Variants in RANBP17 observed in about 807,000 individuals in gnomAD.
The protein encoded by RANBP17 is RAN binding protein 17.
RANBP17 carries 158 observed loss-of-function variants against 141.2 expected under a neutral mutation model. The observed-to-expected ratio is 1.12, with a 90% confidence interval of 0.98 to 1.28. The LOEUF is 1.28. Among genes scored for constraint, RANBP17 ranks in the 50% most tolerant of loss-of-function variants. RANBP17 has a pLI of 0.00. For missense variants in RANBP17, 1,438 were observed against 1,290.7 expected (o/e 1.11, Z -1.75); for synonymous variants, 430 against 450.0 (o/e 0.96, Z 0.56).
intron 24 of RANBP17, among the ~76,000 whole-genome samples, chr5:171,260,532 G>A (rs1441923160): frequency 1.3e-5 from 2 of 150,968 alleles, no homozygotes; most frequent in Non-Finnish European, 2.9e-5. Context: ...AGAGGATGAA[G>A]AGAAGTAGGT....
intron 12 of RANBP17, among the ~76,000 whole-genome samples, chr5:170,930,671 T>C (rs1773297115): frequency 1.3e-5 from 2 of 152,188 alleles, no homozygotes. Flanking sequence ...TTTGGTTTTC[T>C]GTCCTTGGGA....
At chr5:171,164,318 AT>A (rs1341127085) in intron 14 of RANBP17, among the ~76,000 whole-genome samples, 1 of 152,186 alleles carries the variant, frequency 6.6e-6, no homozygotes, top group Non-Finnish European at 1.5e-5. Context: ...AAGGATTAGG[AT>A]TGGTAAAAGA....
chr5:171,270,578 A>G (rs1767035651), intron 25 of RANBP17, among the ~76,000 whole-genome samples: 1 of 151,222 alleles, frequency 6.6e-6, no homozygotes, highest in Admixed American at 6.6e-5. Flanking sequence ...AAATTTTTTC[A>G]GTTTCGTCAC....
chr5:170,892,601 TG>T, intron 4 of RANBP17, 48 bp downstream of exon 4: 1 of 1,492,152 alleles, frequency 6.7e-7, no homozygotes, highest in Admixed American at 1.9e-5. Context: ...TTGCTTTTTT[TG>T]GTTTAGAATA....
chr5:171,250,996 CA>C (rs1765521385), intron 24 of RANBP17, among the ~76,000 whole-genome samples: 1 of 152,216 alleles, frequency 6.6e-6, no homozygotes, highest in African/African-American at 2.4e-5. Flanking sequence ...AACAGAGCTA[CA>C]GAATCTACTC....
intron 12 of RANBP17, among the ~76,000 whole-genome samples, chr5:170,948,226 A>T (rs1245383129): frequency 1.3e-5 from 2 of 152,132 alleles, no homozygotes; most frequent in African/African-American, 4.8e-5. Context: ...GCAAAAGAGG[A>T]GCTAAATGTA....
At chr5:170,942,241 A>G (rs970708190) in intron 12 of RANBP17, among the ~76,000 whole-genome samples, 3 of 152,318 alleles carry the variant, frequency 2.0e-5, no homozygotes, top group Admixed American at 1.3e-4. Context: ...ATTGTATTCC[A>G]TGCAACCTGT....
intron 12 of RANBP17, among the ~76,000 whole-genome samples, chr5:170,942,897 T>G (rs1156901208): frequency 6.6e-6 from 1 of 152,214 alleles, no homozygotes; most frequent in African/African-American, 2.4e-5. Context: ...AATAATTTAG[T>G]GGTATTACAT....
intron 24 of RANBP17, among the ~76,000 whole-genome samples, chr5:171,248,563 T>C (rs1765369816): frequency 6.6e-6 from 1 of 152,122 alleles, no homozygotes; most frequent in Non-Finnish European, 1.5e-5. Context: ...AAAGCTTTTC[T>C]ACCCTTATGA....
chr5:171,147,928 G>A (rs1385939986), intron 14 of RANBP17, among the ~76,000 whole-genome samples: 2 of 152,208 alleles, frequency 1.3e-5, no homozygotes, highest in Non-Finnish European at 2.9e-5. Context: ...GATGACAATG[G>A]CGGTTTTGTG....
At chr5:170,882,794 G>GT (rs2127361004) in intron 3 of RANBP17, among the ~76,000 whole-genome samples, 1 of 152,280 alleles carries the variant, frequency 6.6e-6, no homozygotes, top group East Asian at 1.9e-4. Context: ...ATTTTATAAA[G>GT]TAGCAGTATG....
intron 12 of RANBP17, among the ~76,000 whole-genome samples, chr5:170,933,093 G>C (rs1773540831): frequency 1.3e-5 from 2 of 152,138 alleles, no homozygotes; most frequent in African/African-American, 4.8e-5. Flanking sequence ...TTCAGAACCT[G>C]TTATTGGTCT....
Position 171,242,835 on chromosome 5 carries a change from G to C in RANBP17, c.2776+15G>C. On this transcript the variant is annotated intron_variant, in intron 24 of 27. Transcript: ENST00000523189. The stretch of plus-strand genomic sequence containing the variant: ...CACTACTCTTGGTAAGGATCATAGA[G>C]GACATTGTTTCCATAGGAAAAACTT... 3 of 1,611,328 alleles carry C rather than the reference G, an allele frequency of 1.9e-6. No individual in the cohort carries two copies. In the South Asian group the frequency reaches 3.3e-5, roughly 18 times the overall value.
At chr5:171,250,173 A>C (rs777967931) in intron 24 of RANBP17, among the ~76,000 whole-genome samples, 8 of 152,216 alleles carry the variant, frequency 5.3e-5, no homozygotes, top group Admixed American at 2.0e-4. Context: ...TTTGTAAATG[A>C]AGGAGATATA....
intron 18 of RANBP17, among the ~76,000 whole-genome samples, chr5:171,197,252 A>G (rs181505679): frequency 6.6e-6 from 1 of 152,318 alleles, no homozygotes; most frequent in Admixed American, 6.5e-5. Flanking sequence ...GTATTTCCCT[A>G]ATAATGCCAG....
chr5:171,111,303 C>T (rs552353317), intron 14 of RANBP17, among the ~76,000 whole-genome samples: 1 of 152,274 alleles, frequency 6.6e-6, no homozygotes, highest in East Asian at 1.9e-4. Flanking sequence ...AGACTTCTCT[C>T]CCTTTTGCTA....
At chr5:171,198,455 T>TA (rs1270942496) in intron 18 of RANBP17, among the ~76,000 whole-genome samples, 1 of 152,216 alleles carries the variant, frequency 6.6e-6, no homozygotes, top group Non-Finnish European at 1.5e-5. Context: ...AGCCACTCCT[T>TA]AAGAGTCAAA....
At chr5:170,949,064 C>T (rs1467536875) in intron 12 of RANBP17, among the ~76,000 whole-genome samples, 21 of 152,052 alleles carry the variant, frequency 1.4e-4, no homozygotes, top group Admixed American at 1.4e-3. Flanking sequence ...ATCACTTTTG[C>T]CTGGGATTTA....
At chr5:171,252,478 G>C (rs1048191944) in intron 24 of RANBP17, 1 of 1,459,098 alleles carries the variant, frequency 6.9e-7, no homozygotes, top group Non-Finnish European at 9.6e-7. Flanking sequence ...CAGCAACACA[G>C]AAACCCTATG....
Sources: allele counts gnomAD v4.1 joint callset (sites outside exome capture counted in the v4.1 genomes callset), GRCh38; gene constraint gnomAD v4.1.1; transcripts MANE v1.5; gene names NCBI Gene and HGNC (gene_info 2026-07-23, HGNC 2026-07-21).